GCFC2: variants seen among roughly 807,000 people sequenced by gnomAD.
The protein encoded by GCFC2 is intron Large complex component GCFC2.
In GCFC2, 102 loss-of-function variants were observed where a neutral mutation model predicts 99.4. That is an observed-to-expected ratio of 1.03 (90% CI 0.87 to 1.21). The LOEUF is 1.21. Ranked by LOEUF, GCFC2 falls within the 50% of genes most tolerant of loss-of-function variation. The pLI is 0.00. For synonymous variants in GCFC2, 338 were observed against 316.8 expected, an observed-to-expected ratio of 1.07 and a Z score of -0.71; for missense variants, 973 against 920.9, an observed-to-expected ratio of 1.06 and a Z score of -0.73.
In GCFC2 at chr2:75,683,771, C is replaced by CAAAA. The variant is rs749580096; in HGVS notation, c.1691-3461_1691-3458dup. Among the ~76,000 whole-genome samples, 15 of 60,418 alleles carry CAAAA rather than the reference C, an allele frequency of 2.5e-4. 1 individual carries two copies. Among genetic ancestry groups the CAAAA allele is most frequent in the East Asian group, 1.1e-3 (2 of 1,754 alleles). 39.6% of individuals were successfully genotyped at this position (60,418 alleles called of 152,430 possible). A position where few individuals can be genotyped will look rare whatever the true frequency, so the allele number is the denominator to read the frequency against. ...GAATATTTACCAAGTAAATGGAAAG[C>CAAAA]AAAAAAAAAAAAAAAAAAAAAGAAA... On this transcript the variant is annotated intron_variant, in intron 11 of 16. Transcript: ENST00000321027.
intron 12 of GCFC2, among the ~76,000 whole-genome samples, chr2:75,674,332 A>G (rs941392435): frequency 6.6e-6 from 1 of 152,248 alleles, no homozygotes; most frequent in Non-Finnish European, 1.5e-5. Flanking sequence ...TGACCAAACT[A>G]TTCAATCACA....
chr2:75,686,429 G>A (rs1679820576), intron 11 of GCFC2, among the ~76,000 whole-genome samples: 1 of 152,058 alleles, frequency 6.6e-6, no homozygotes, highest in Non-Finnish European at 1.5e-5. Context: ...TGCCTAAGAA[G>A]CAATTATAAG....
In GCFC2 at chr2:75,696,211, T is replaced by G; in HGVS notation, c.822A>C (p.Gln274His). The G allele has an allele frequency of 8.2e-7, 1 of 1,215,864 alleles. No individual in the cohort carries two copies. The highest frequency in any genetic ancestry group is 1.2e-5 in the South Asian group (1 of 81,732). The allele number at this position is 1,215,864 out of a possible 1,614,324, so 75.3% of individuals were successfully genotyped here. A position where few individuals can be genotyped will look rare whatever the true frequency, so the allele number is the denominator to read the frequency against. ...PPVNLEIIKK[Q>H]LNTRLTLLQE... is the part of the protein sequence containing the mutation. The stretch of plus-strand genomic sequence containing the variant: ...TGAGTATTGCTCACCTAGTATTTAA[T>G]TGCTTCTTTATAATTTCTAAATTTA... The change falls in exon 5 of 17, where the codon CAA becomes CAC. Residue 274 changes from glutamine to histidine, a missense_variant. Transcript: ENST00000321027.
At chr2:75,708,822 TAAG>T (rs1228289035) in intron 1 of GCFC2, among the ~76,000 whole-genome samples, 1 of 152,116 alleles carries the variant, frequency 6.6e-6, no homozygotes, top group Non-Finnish European at 1.5e-5. Context: ...AACTAACTTT[TAAG>T]AAGGGTTAGT....
At chr2:75,688,470 TTC>T (rs921403948) in intron 10 of GCFC2, among the ~76,000 whole-genome samples, 6 of 152,218 alleles carry the variant, frequency 3.9e-5, no homozygotes, top group Non-Finnish European at 8.8e-5. Flanking sequence ...TTCTTTTTTT[TTC>T]TTTTAGTCAG....
chr2:75,667,989 A>C (rs938379645), intron 15 of GCFC2, among the ~76,000 whole-genome samples: 1 of 152,226 alleles, frequency 6.6e-6, no homozygotes, highest in Admixed American at 6.5e-5. Flanking sequence ...TAGCAACCAG[A>C]TGAATCAATT....
rs1431661849 is a variant in GCFC2, at chr2:75,689,157, T to C, written c.1408A>G (p.Ile470Val). Residue 470 changes from isoleucine (I) to valine (V), a missense_variant, in exon 10 of 17, where the codon ATT (isoleucine) becomes GTT (valine). By Grantham distance (29) the Ile-to-Val change is conservative. Coordinates refer to ENST00000321027, the MANE Select transcript of GCFC2 (RefSeq NM_003203.5). ...VQDDFCNIQN[I>V]LLKFQQWREK... ...CGCCATTGCTGAAATTTCAACAAAA[T>C]ATTCTGGATGTTACAAAAATCATCT... 1.9e-6 allele frequency: 3 copies of C among 1,604,518 alleles called. No individual in the cohort carries two copies. The highest frequency in any genetic ancestry group is 2.6e-6 in the Non-Finnish European group (3 of 1,172,982).
intron 3 of GCFC2, 146 bp from the exon 4 acceptor site, chr2:75,701,433 T>C (rs755512651): frequency 8.3e-6 from 5 of 601,178 alleles, no homozygotes; most frequent in Non-Finnish European, 1.5e-5. Context: ...GAAGGCACTA[T>C]TACTGCCCTC....
intron 12 of GCFC2, among the ~76,000 whole-genome samples, chr2:75,673,815 A>C (rs1267455735): frequency 1.3e-5 from 2 of 152,186 alleles, no homozygotes; most frequent in Non-Finnish European, 2.9e-5. Context: ...ATTCTTGTAC[A>C]TGTCATTTAG....
intron 12 of GCFC2, among the ~76,000 whole-genome samples, chr2:75,679,332 G>A (rs963202084): frequency 2.0e-5 from 3 of 151,908 alleles, no homozygotes; most frequent in Admixed American, 6.6e-5. Context: ...ATTCTACTCC[G>A]GGCATTCTCC....
intron 15 of GCFC2, among the ~76,000 whole-genome samples, chr2:75,669,828 G>T (rs1408888627): frequency 3.3e-5 from 5 of 151,974 alleles, no homozygotes; most frequent in African/African-American, 1.2e-4. Context: ...GGGTTCAGGC[G>T]ATTCTTCTGC....
intron 12 of GCFC2, among the ~76,000 whole-genome samples, chr2:75,674,214 T>G (rs1679245069): frequency 6.6e-6 from 1 of 152,234 alleles, no homozygotes; most frequent in Non-Finnish European, 1.5e-5. Context: ...AGGTTCTGTC[T>G]TTTTATTACT....
At position 75,702,389 on chromosome 2, in the gene GCFC2, G is replaced by A; in HGVS notation, c.429C>T (p.Ala143=). Residue 143 remains alanine, a synonymous_variant, in exon 3 of 17, where the codon GCC becomes GCT. Transcript: ENST00000321027. ...KIPDAAFIQA[A]RRKRELARAQ... Reference sequence around the variant, plus strand: ...CCCTGGCCAATTCACGTTTTCTGCGGGCTGCCTGAATAAAAGCTGCATCTG... The same window carrying A: ...CCCTGGCCAATTCACGTTTTCTGCGAGCTGCCTGAATAAAAGCTGCATCTG... 5 of 1,613,278 alleles carry A rather than the reference G, an allele frequency of 3.1e-6. No homozygotes were observed. The highest frequency in any genetic ancestry group is 4.2e-6 in the Non-Finnish European group (5 of 1,179,310).
At chr2:75,679,020 G>A (rs116017026) in intron 12 of GCFC2, among the ~76,000 whole-genome samples, 2 of 152,204 alleles carry the variant, frequency 1.3e-5, no homozygotes, top group African/African-American at 4.8e-5. Flanking sequence ...AAATAGGGCT[G>A]CTGGGATTAA....
At chr2:75,696,794 T>TA (rs1275030414) in intron 4 of GCFC2, among the ~76,000 whole-genome samples, 2 of 149,338 alleles carry the variant, frequency 1.3e-5, no homozygotes, top group African/African-American at 4.9e-5. Flanking sequence ...ACATTCTTTC[T>TA]TTTTTTTTTG....
chr2:75,698,355 G>A (rs758552470), intron 4 of GCFC2, among the ~76,000 whole-genome samples: 1 of 152,000 alleles, frequency 6.6e-6, no homozygotes, highest in Non-Finnish European at 1.5e-5. Context: ...GAAAGGAGAG[G>A]AGGAAAATAA....
chr2:75,669,546 A>T (rs1678994290), intron 15 of GCFC2, among the ~76,000 whole-genome samples: 2 of 152,146 alleles, frequency 1.3e-5, no homozygotes, highest in African/African-American at 2.4e-5. Flanking sequence ...ATTTTTTAAA[A>T]TTTTACCTGA....
At chr2:75,701,941 A>G (rs1044178782) in intron 3 of GCFC2, 2 of 1,232,964 alleles carry the variant, frequency 1.6e-6, no homozygotes, top group African/African-American at 3.1e-5. Context: ...AAGATACTGC[A>G]CATTTTTTTT....
chr2:75,701,139 T>G (rs763164086), intron 4 of GCFC2, 51 bp downstream of exon 4: 3 of 990,946 alleles, frequency 3.0e-6, no homozygotes, highest in Non-Finnish European at 4.8e-6. Context: ...TTGTGGTAAT[T>G]TGTTATAGCA....
Sources: gnomAD v4.1 joint callset for allele counts (sites outside exome capture counted in the v4.1 genomes callset) on GRCh38, gnomAD v4.1.1 for gene constraint, MANE v1.5 for transcripts, NCBI Gene and HGNC (gene_info 2026-07-23, HGNC 2026-07-21) for gene names.